APPBP2: variants seen among roughly 807,000 people sequenced by gnomAD.
APPBP2 encodes amyloid protein-binding protein 2.
A neutral mutation model predicts 76.0 loss-of-function variants in APPBP2; 15 were observed. The ratio of observed to expected loss-of-function variants is 0.20; its 90% CI spans 0.13 to 0.30. The LOEUF is 0.30. APPBP2 is among the 10% of genes least tolerant of loss of function. The pLI is 1.00. For synonymous variants in APPBP2, 222 were observed against 242.2 expected (o/e 0.92, Z 0.77); for missense variants, 401 against 687.2 (o/e 0.58, Z 4.66).
At chr17:60,522,873 TA>T (rs1233255668) in intron 1 of APPBP2, among the ~76,000 whole-genome samples, 1,590 of 149,276 alleles carry the variant, frequency 0.011, 32 homozygotes, top group African/African-American at 0.038. Context: ...TTTTTTTTTT[TA>T]AAAAAAAGAA....
At chr17:60,517,543 T>C (rs1310322361) in intron 1 of APPBP2, among the ~76,000 whole-genome samples, 1 of 152,254 alleles carries the variant, frequency 6.6e-6, no homozygotes, top group African/African-American at 2.4e-5. Context: ...GCAATTTATC[T>C]GGAAATGACT....
At position 60,485,235 on chromosome 17, in the gene APPBP2, A is replaced by C. The variant is rs1452741750; in HGVS notation, c.380-5964T>G. Among the ~76,000 whole-genome samples the C allele has an allele frequency of 2.6e-5, 4 of 152,252 alleles. No individual in the cohort carries two copies. In the East Asian group the frequency reaches 7.7e-4, roughly 29 times the overall value. ...GCTGGCCTCATAAAATGAGTTAGGG[A>C]GAGTTCCCTCTCTATTGATTGGAAA... On this transcript the variant is annotated intron_variant, in intron 3 of 12. Coordinates refer to ENST00000083182, the MANE Select transcript of APPBP2 (RefSeq NM_006380.5).
At chr17:60,516,473 C>T (rs73990486) in intron 1 of APPBP2, among the ~76,000 whole-genome samples, 2,290 of 152,244 alleles carry the variant, frequency 0.015, 48 homozygotes, top group African/African-American at 0.051. Flanking sequence ...AGTTTAGGAA[C>T]CTCTGGTATA....
intron 8 of APPBP2, 158 bp downstream of exon 8, chr17:60,461,652 C>T (rs952855517): frequency 1.5e-5 from 8 of 538,744 alleles, no homozygotes; most frequent in Non-Finnish European, 2.3e-5. Context: ...AACTTTTACA[C>T]CTTCTAGGTA....
intron 2 of APPBP2, among the ~76,000 whole-genome samples, chr17:60,495,813 A>C (rs1007672868): frequency 6.6e-6 from 1 of 152,204 alleles, no homozygotes; most frequent in Non-Finnish European, 1.5e-5. Flanking sequence ...GAGACTATAT[A>C]CACACAAAAT....
At chr17:60,486,070 GT>G (rs578001980) in intron 3 of APPBP2, among the ~76,000 whole-genome samples, 139 of 152,286 alleles carry the variant, frequency 9.1e-4, no homozygotes, top group Non-Finnish European at 1.6e-3. Context: ...GAGACAGTTT[GT>G]TGTGATTTCT....
chr17:60,479,350 T>G, intron 3 of APPBP2, 79 bp from the exon 4 acceptor site: 3 of 1,364,518 alleles, frequency 2.2e-6, no homozygotes, highest in Non-Finnish European at 3.0e-6. Context: ...ACAGTGAATA[T>G]TACCTAAATT....
rs971531980 is a variant in APPBP2 at position 60,447,116 on chromosome 17, T to C, written c.*465A>G. ...AGTACTTGTGTTAACTTTTCTATAC[T>C]GCATATAAAGATTTTCCGCATAAAA... On this transcript the variant is annotated 3_prime_UTR_variant, in exon 13 of 13. Coordinates refer to ENST00000083182, the MANE Select transcript of APPBP2 (RefSeq NM_006380.5). 6.5e-6 allele frequency: 1 copy of C among 153,966 alleles called. No individual in the cohort carries two copies. The highest frequency in any genetic ancestry group is 2.4e-5 in the African/African-American group (1 of 41,462). 9.5% of individuals were successfully genotyped at this position (153,966 alleles called of 1,614,324 possible).
At position 60,465,270 on chromosome 17, in the gene APPBP2, G is replaced by A. The variant is rs2090502631; in HGVS notation, c.672+1021C>T. 4 of 152,220 alleles carry A rather than the reference G, an allele frequency of 2.6e-5. No individual in the cohort carries two copies. The South Asian group carries it at 8.3e-4, about 32-fold the overall frequency. 9.4% of individuals were successfully genotyped at this position (152,220 alleles called of 1,614,324 possible). ...AGGTATAATGTTAAGAACAGCCATA[G>A]CCATCTGAAGACAGGGATATATTAT... On this transcript the variant is annotated intron_variant, in intron 5 of 12. Coordinates refer to ENST00000083182, the MANE Select transcript of APPBP2 (RefSeq NM_006380.5).
chr17:60,505,127 T>C (rs1450765232), intron 1 of APPBP2, among the ~76,000 whole-genome samples: 2 of 152,240 alleles, frequency 1.3e-5, no homozygotes, highest in African/African-American at 4.8e-5. Context: ...ATAGGATTAA[T>C]ATCTCAAATA....
chr17:60,453,986 C>T (rs1409689126), intron 11 of APPBP2, among the ~76,000 whole-genome samples: 2 of 152,206 alleles, frequency 1.3e-5, no homozygotes, highest in Non-Finnish European at 1.5e-5. Flanking sequence ...ATCCTCCTGC[C>T]TTAGTCTTCC....
chr17:60,475,928 G>C (rs2090587714), intron 4 of APPBP2, among the ~76,000 whole-genome samples: 1 of 152,136 alleles, frequency 6.6e-6, no homozygotes, highest in East Asian at 1.9e-4. Context: ...CACATGGACT[G>C]ATTAGCTCCA....
intron 3 of APPBP2, among the ~76,000 whole-genome samples, chr17:60,485,646 C>A (rs1273829552): frequency 1.3e-5 from 2 of 152,044 alleles, no homozygotes; most frequent in Non-Finnish European, 1.5e-5. Context: ...TTTCAAAAAC[C>A]CAGCTCCTGG....
At chr17:60,492,879 A>G (rs1383428705) in intron 3 of APPBP2, among the ~76,000 whole-genome samples, 6 of 152,178 alleles carry the variant, frequency 3.9e-5, no homozygotes, top group Admixed American at 6.5e-5. Flanking sequence ...ATGTGAGGAC[A>G]TGAGATTTGC....
In APPBP2 at chr17:60,511,526, G is replaced by A. The variant is rs1434216835; in HGVS notation, c.139-11039C>T. Among the ~76,000 whole-genome samples, 11 of 151,474 alleles carry A rather than the reference G, an allele frequency of 7.3e-5. No homozygotes were observed. The South Asian group carries it at 1.9e-3, about 26-fold the overall frequency. On this transcript the variant is annotated intron_variant, in intron 1 of 12. Coordinates refer to ENST00000083182, the MANE Select transcript of APPBP2 (RefSeq NM_006380.5). ...CTTGAACTCGGAAGGCAGAGGTTGC[G>A]GTGAGCCGAGATCGCATCACTGTAT...
chr17:60,483,408 T>G (rs1231543978), intron 3 of APPBP2, among the ~76,000 whole-genome samples: 2 of 152,092 alleles, frequency 1.3e-5, no homozygotes, highest in Non-Finnish European at 2.9e-5. Flanking sequence ...GTTTCTTTTT[T>G]TTTGAGATGG....
In APPBP2 at chr17:60,446,373, T is replaced by C. The variant is rs554979305; in HGVS notation, c.*1208A>G. On this transcript the variant is annotated 3_prime_UTR_variant, in exon 13 of 13. Coordinates refer to ENST00000083182, the MANE Select transcript of APPBP2 (RefSeq NM_006380.5). Reference sequence around the variant, plus strand: ...TAAACAGAAAGACAAGTTAGTGAAATAGGTGTATTATTAGGGGATCTTTCC... The same window carrying C: ...TAAACAGAAAGACAAGTTAGTGAAACAGGTGTATTATTAGGGGATCTTTCC... 7 of 152,438 alleles carry C rather than the reference T, an allele frequency of 4.6e-5. No homozygotes were observed. The highest frequency in any genetic ancestry group is 1.4e-4 in the African/African-American group (6 of 41,558). The allele number at this position is 152,438 out of a possible 1,614,324, so 9.4% of individuals were successfully genotyped here.
intron 3 of APPBP2, among the ~76,000 whole-genome samples, chr17:60,494,211 C>T (rs138177892): frequency 3.1e-4 from 47 of 152,338 alleles, no homozygotes; most frequent in African/African-American, 1.1e-3. Flanking sequence ...GAGCCAGTTA[C>T]TCAACTTTTC....
chr17:60,458,520 CA>C (rs762402574), intron 9 of APPBP2, among the ~76,000 whole-genome samples: 5 of 151,722 alleles, frequency 3.3e-5, no homozygotes, highest in Non-Finnish European at 5.9e-5. Flanking sequence ...TTAGAGTTAA[CA>C]AAGTTTTTCT....
Sources: allele counts gnomAD v4.1 joint callset (sites outside exome capture counted in the v4.1 genomes callset), GRCh38; gene constraint gnomAD v4.1.1; transcripts MANE v1.5; gene names NCBI Gene and HGNC (gene_info 2026-07-23, HGNC 2026-07-21).